AP3B1: variants seen among roughly 807,000 people sequenced by gnomAD.
The protein encoded by AP3B1 is AP-3 complex subunit beta-1.
Under a neutral mutation model 132.5 loss-of-function variants are expected in AP3B1, and 61 were observed. That is an observed-to-expected ratio of 0.46 (90% confidence interval 0.37 to 0.57). The LOEUF is 0.57. Ranked by LOEUF, AP3B1 falls within the 20% of genes least tolerant of loss-of-function variation. The probability of loss-of-function intolerance (pLI) is 0.00; values close to 1 mark genes in which losing one functional copy is unlikely to be tolerated. For missense variants in AP3B1, 1,120 were observed against 1,289.4 expected (o/e 0.87, Z 2.01); for synonymous variants, 388 against 438.3 (o/e 0.89, Z 1.43).
At chr5:78,125,629 A>T (rs1214967950) in intron 17 of AP3B1, among the ~76,000 whole-genome samples, 1 of 152,134 alleles carries the variant, frequency 6.6e-6, no homozygotes, top group Admixed American at 6.5e-5. Flanking sequence ...TTTTAAGCCA[A>T]TTGTCTCAGA....
chr5:78,117,213 G>C (rs1580366491), intron 17 of AP3B1, among the ~76,000 whole-genome samples: 1 of 121,670 alleles, frequency 8.2e-6, no homozygotes. Flanking sequence ...TGTATTACTT[G>C]TTAACATACT....
At chr5:78,141,734 T>G (rs139275046) in intron 14 of AP3B1, among the ~76,000 whole-genome samples, 1 of 152,184 alleles carries the variant, frequency 6.6e-6, no homozygotes, top group Non-Finnish European at 1.5e-5. Flanking sequence ...TAGCAATTTA[T>G]AGAAATGGTT....
chr5:78,188,396 A>C (rs1176697414), intron 7 of AP3B1, among the ~76,000 whole-genome samples: 1 of 152,204 alleles, frequency 6.6e-6, no homozygotes, highest in Admixed American at 6.5e-5. Context: ...AGAAACTAAC[A>C]ACCCCATTAA....
At chr5:78,040,533 T>C (rs1465600204) in intron 22 of AP3B1, among the ~76,000 whole-genome samples, 1 of 152,190 alleles carries the variant, frequency 6.6e-6, no homozygotes, top group African/African-American at 2.4e-5. Flanking sequence ...AATTAAATTC[T>C]TCCCTCAATC....
At chr5:78,013,204 C>T (rs1004951832) in intron 26 of AP3B1, among the ~76,000 whole-genome samples, 2 of 151,988 alleles carry the variant, frequency 1.3e-5, no homozygotes, top group African/African-American at 2.4e-5. Flanking sequence ...GCCACCATGC[C>T]GGATTTAATT....
At chr5:78,285,180 C>T (rs1012533804) in intron 1 of AP3B1, among the ~76,000 whole-genome samples, 4 of 150,916 alleles carry the variant, frequency 2.7e-5, no homozygotes, top group African/African-American at 7.3e-5. Context: ...ACCCGGGAGG[C>T]GGAGCTTGCA....
intron 1 of AP3B1, among the ~76,000 whole-genome samples, chr5:78,270,855 C>T (rs1424110548): frequency 6.6e-6 from 1 of 152,144 alleles, no homozygotes; most frequent in African/African-American, 2.4e-5. Flanking sequence ...CTTGAAATTC[C>T]CTCCTCCTTT....
intron 22 of AP3B1, among the ~76,000 whole-genome samples, chr5:78,085,660 CATTAT>C (rs1209404119): frequency 6.6e-6 from 1 of 152,070 alleles, no homozygotes; most frequent in Non-Finnish European, 1.5e-5. Flanking sequence ...AAAAAGTTAT[CATTAT>C]ATTATTATAA....
chr5:78,267,627 C>T, intron 1 of AP3B1, 32 bp from the exon 2 acceptor site: 2 of 1,347,878 alleles, frequency 1.5e-6, no homozygotes, highest in Non-Finnish European at 2.1e-6. Flanking sequence ...AAAATCCATA[C>T]TTTGATTTTT....
intron 3 of AP3B1, among the ~76,000 whole-genome samples, chr5:78,233,109 A>C (rs1461233734): frequency 6.6e-6 from 1 of 152,160 alleles, no homozygotes; most frequent in Non-Finnish European, 1.5e-5. Flanking sequence ...CATATTTAGA[A>C]ATTCTCAATA....
At chr5:78,021,634 G>A (rs969654343) in intron 24 of AP3B1, among the ~76,000 whole-genome samples, 1 of 152,086 alleles carries the variant, frequency 6.6e-6, no homozygotes, top group African/African-American at 2.4e-5. Flanking sequence ...GGCATTGATC[G>A]TTTATAATAC....
intron 7 of AP3B1, among the ~76,000 whole-genome samples, chr5:78,206,630 C>A (rs776703001): frequency 1.3e-5 from 2 of 151,804 alleles, no homozygotes; most frequent in African/African-American, 2.4e-5. Context: ...ATCAATCAAA[C>A]AGAAGTTCAA....
At chr5:78,160,169 C>T (rs1485065262) in intron 13 of AP3B1, among the ~76,000 whole-genome samples, 1 of 152,034 alleles carries the variant, frequency 6.6e-6, no homozygotes, top group Non-Finnish European at 1.5e-5. Context: ...AAGATAGGAA[C>T]CTTTTATAAG....
chr5:78,223,105 C>T (rs550305664), intron 6 of AP3B1, among the ~76,000 whole-genome samples: 198 of 146,556 alleles, frequency 1.4e-3, no homozygotes, highest in African/African-American at 4.7e-3. Flanking sequence ...AGCAATCCAT[C>T]CACCTTGGCC....
At chr5:78,278,629 G>GAAAT (rs1561217293) in intron 1 of AP3B1, among the ~76,000 whole-genome samples, 1 of 76,712 alleles carries the variant, frequency 1.3e-5, no homozygotes, top group African/African-American at 3.7e-5. Flanking sequence ...AAAAAAAGGG[G>GAAAT]GGGGGGGACT....
rs541548884 is a variant in AP3B1 at position 78,235,585 on chromosome 5, G to A, written c.279+5277C>T. Among the ~76,000 whole-genome samples the A allele has an allele frequency of 7.2e-5, 11 of 152,338 alleles. No homozygotes were observed. The East Asian group carries it at 2.1e-3, about 29-fold the overall frequency. The stretch of plus-strand genomic sequence containing the variant: ...GCCTATGCACTGACAGGCTGCAGGT[G>A]TGCAAAGAAAGCCTACCTTCCCTGA... On this transcript the variant is annotated intron_variant, in intron 3 of 26. Transcript: ENST00000255194.
intron 3 of AP3B1, among the ~76,000 whole-genome samples, chr5:78,234,409 T>C (rs766435934): frequency 1.5e-4 from 23 of 152,190 alleles, no homozygotes; most frequent in Non-Finnish European, 3.1e-4. Context: ...GTTTTTCAAA[T>C]TCTTAGATCA....
intron 23 of AP3B1, 77 bp from the exon 24 acceptor site, chr5:78,034,522 T>C: frequency 9.0e-7 from 1 of 1,108,370 alleles, no homozygotes; most frequent in Non-Finnish European, 1.4e-6. Flanking sequence ...AAAATTTAGG[T>C]AATGTTTGTA....
At chr5:78,237,440 GT>G (rs1418025516) in intron 3 of AP3B1, among the ~76,000 whole-genome samples, 1 of 152,076 alleles carries the variant, frequency 6.6e-6, no homozygotes, top group Non-Finnish European at 1.5e-5. Flanking sequence ...GCTACAGTGT[GT>G]TGTGTTCATG....
Sources: gnomAD v4.1 joint callset for allele counts (sites outside exome capture counted in the v4.1 genomes callset) on GRCh38, gnomAD v4.1.1 for gene constraint, MANE v1.5 for transcripts, NCBI Gene and HGNC (gene_info 2026-07-23, HGNC 2026-07-21) for gene names.